The following ADARB2 variants were observed in gnomAD, a reference collection of about 807,000 sequenced individuals.
The protein encoded by ADARB2 is adenosine deaminase RNA specific B2 (inactive).
ADARB2 carries 25 observed loss-of-function variants against 62.2 expected under a neutral mutation model. The observed-to-expected ratio is 0.40, with a 90% CI of 0.29 to 0.56. The LOEUF is 0.56. ADARB2 is among the 20% of genes least tolerant of loss of function. The probability of loss-of-function intolerance (pLI) is 0.43; values close to 1 mark genes in which losing one functional copy is unlikely to be tolerated. For missense variants in ADARB2, 1,071 were observed against 1,077.4 expected, an observed-to-expected ratio of 0.99 and a Z score of 0.08; for synonymous variants, 572 against 500.8, an observed-to-expected ratio of 1.14 and a Z score of -1.90.
intron 1 of ADARB2, among the ~76,000 whole-genome samples, chr10:1,649,984 G>T (rs1400854837): frequency 2.0e-5 from 3 of 152,206 alleles, no homozygotes; most frequent in African/African-American, 7.2e-5. Flanking sequence ...TTCTGTCACT[G>T]GCTGGGCTGC....
At chr10:1,342,865 T>C (rs1442402803) in intron 3 of ADARB2, among the ~76,000 whole-genome samples, 1 of 152,224 alleles carries the variant, frequency 6.6e-6, no homozygotes, top group African/African-American at 2.4e-5. Context: ...CCTCCCTGCA[T>C]CTCAAAAACA....
At chr10:1,614,326 T>C (rs1055089795) in intron 1 of ADARB2, among the ~76,000 whole-genome samples, 3 of 152,256 alleles carry the variant, frequency 2.0e-5, no homozygotes, top group Admixed American at 2.0e-4. Context: ...TGTTTTCTCA[T>C]TGGAACTTTT....
intron 1 of ADARB2, among the ~76,000 whole-genome samples, chr10:1,717,156 C>CTTTTT (rs397969884): frequency 1.6e-4 from 10 of 63,266 alleles, no homozygotes; most frequent in African/African-American, 4.4e-4. Flanking sequence ...TTGTAGTGTG[C>CTTTTT]TTTTTTTTTT....
intron 1 of ADARB2, among the ~76,000 whole-genome samples, chr10:1,399,154 C>T (rs1233996597): frequency 6.6e-6 from 1 of 152,202 alleles, no homozygotes; most frequent in Non-Finnish European, 1.5e-5. Flanking sequence ...CCTGACTCCC[C>T]CTGGCCGCCT....
intron 1 of ADARB2, among the ~76,000 whole-genome samples, chr10:1,575,584 C>T (rs1453351477): frequency 6.6e-6 from 1 of 152,250 alleles, no homozygotes; most frequent in Non-Finnish European, 1.5e-5. Flanking sequence ...TGCGTGCAGA[C>T]GCTGCTCTGA....
At chr10:1,524,197 T>C (rs933947836) in intron 1 of ADARB2, among the ~76,000 whole-genome samples, 2 of 152,104 alleles carry the variant, frequency 1.3e-5, no homozygotes, top group African/African-American at 2.4e-5. Context: ...ACATACAAAC[T>C]TCTTATAATA....
At chr10:1,539,642 G>A (rs988978029) in intron 1 of ADARB2, among the ~76,000 whole-genome samples, 3 of 152,234 alleles carry the variant, frequency 2.0e-5, no homozygotes, top group Non-Finnish European at 4.4e-5. Flanking sequence ...TTCACTTTGC[G>A]AGGGAATTTA....
At chr10:1,453,337 T>C (rs1239911103) in intron 1 of ADARB2, among the ~76,000 whole-genome samples, 1 of 152,230 alleles carries the variant, frequency 6.6e-6, no homozygotes, top group African/African-American at 2.4e-5. Context: ...GAGAAATTCA[T>C]TTGCCAAATC....
At chr10:1,430,500 T>C (rs755100813) in intron 1 of ADARB2, among the ~76,000 whole-genome samples, 6 of 152,260 alleles carry the variant, frequency 3.9e-5, no homozygotes, top group Admixed American at 6.5e-5. Flanking sequence ...ATGCTGTCTA[T>C]GTAAAACTCA....
chr10:1,223,040 G>A (rs1830709267), intron 6 of ADARB2, among the ~76,000 whole-genome samples: 1 of 152,034 alleles, frequency 6.6e-6, no homozygotes. Context: ...GATTCTTCCT[G>A]CCCATGAGCA....
chr10:1,458,223 C>T (rs2676769), intron 1 of ADARB2, among the ~76,000 whole-genome samples: 111,132 of 151,514 alleles, frequency 0.73, 41,736 homozygotes, highest in Non-Finnish European at 0.82. Context: ...GGAAGAACAG[C>T]GTGCACCCAC....
chr10:1,705,465 G>A (rs759714195), intron 1 of ADARB2, among the ~76,000 whole-genome samples: 27 of 152,204 alleles, frequency 1.8e-4, no homozygotes, highest in Admixed American at 5.9e-4. Context: ...GAGGAGAGGC[G>A]GCAGATGGGG....
chr10:1,316,312 G>C (rs1008614252), intron 3 of ADARB2, among the ~76,000 whole-genome samples: 1 of 152,254 alleles, frequency 6.6e-6, no homozygotes, highest in African/African-American at 2.4e-5. Context: ...CTGCTCTGCC[G>C]TGGTGATGGC....
chr10:1,362,959 G>A (rs1233969282), intron 3 of ADARB2, 69 bp downstream of exon 3: 23 of 1,246,606 alleles, frequency 1.8e-5, no homozygotes, highest in Non-Finnish European at 2.3e-5. Flanking sequence ...ACTCCCAACA[G>A]GGAAAGGTCG....
chr10:1,440,513 T>C (rs1830893119), intron 1 of ADARB2, among the ~76,000 whole-genome samples: 1 of 151,914 alleles, frequency 6.6e-6, no homozygotes. Flanking sequence ...TACCCCCACA[T>C]TGTGACAAAA....
rs753288932 is a variant in ADARB2 at position 1,722,474 on chromosome 10, A to C, written c.100+14577T>G. Among the ~76,000 whole-genome samples, 42 of 152,366 alleles carry C rather than the reference A, an allele frequency of 2.8e-4. 1 individual carries two copies. The highest frequency in any genetic ancestry group is 8.3e-4 in the South Asian group (4 of 4,828). ...CTACACAAACACACAGGGGCACACAAGGGAACGCAGTAGGTCCTCATTGTA... is the reference window on the plus strand; with the variant it reads ...CTACACAAACACACAGGGGCACACACGGGAACGCAGTAGGTCCTCATTGTA... On this transcript the variant is annotated intron_variant, in intron 1 of 9. Transcript: ENST00000381312.
intron 6 of ADARB2, among the ~76,000 whole-genome samples, chr10:1,228,508 C>G (rs993021717): frequency 1.3e-5 from 2 of 152,200 alleles, no homozygotes; most frequent in Admixed American, 6.5e-5. Flanking sequence ...TCATTGGAAC[C>G]CTGACTCTAA....
intron 1 of ADARB2, among the ~76,000 whole-genome samples, chr10:1,681,915 G>A (rs944948619): frequency 1.3e-5 from 2 of 152,162 alleles, no homozygotes; most frequent in Non-Finnish European, 2.9e-5. Context: ...ATCTATGCAG[G>A]GAGTGAGGGC....
intron 3 of ADARB2, among the ~76,000 whole-genome samples, chr10:1,357,279 C>T (rs1832204887): frequency 6.6e-6 from 1 of 152,094 alleles, no homozygotes; most frequent in African/African-American, 2.4e-5. Flanking sequence ...AGGAAAAGAC[C>T]CAAAAATCGT....
Sources: allele counts gnomAD v4.1 joint callset (sites outside exome capture counted in the v4.1 genomes callset), GRCh38; gene constraint gnomAD v4.1.1; transcripts MANE v1.5; gene names NCBI Gene and HGNC (gene_info 2026-07-23, HGNC 2026-07-21).